The following ROCK2 variants were observed in gnomAD, a reference collection of about 807,000 sequenced individuals.
The protein encoded by ROCK2 is rho-associated protein kinase 2.
A neutral mutation model predicts 195.1 loss-of-function variants in ROCK2; 61 were observed. That is an observed-to-expected ratio of 0.31 (90% CI 0.25 to 0.39). The LOEUF is 0.39. Ranked by LOEUF, ROCK2 falls within the 10% of genes least tolerant of loss-of-function variation. The pLI is 1.00. For missense variants in ROCK2, 1,109 were observed against 1,637.4 expected (o/e 0.68, Z 5.57); for synonymous variants, 504 against 545.5 (o/e 0.92, Z 1.06).
At chr2:11,280,255 GAAGA>G (rs1558354493) in intron 3 of ROCK2, among the ~76,000 whole-genome samples, 1 of 152,102 alleles carries the variant, frequency 6.6e-6, no homozygotes, top group Non-Finnish European at 1.5e-5. Flanking sequence ...AGGTTGGCTA[GAAGA>G]GAGAGAATAA....
At chr2:11,287,600 ATC>A in intron 2 of ROCK2, 53 bp downstream of exon 2, 1 of 502,456 alleles carries the variant, frequency 2.0e-6, no homozygotes, top group Non-Finnish European at 3.3e-6. Flanking sequence ...CCAAACAAAA[ATC>A]TCTTATCAAA....
In ROCK2 at chr2:11,261,606, C is replaced by A. The variant is rs1162600889; in HGVS notation, c.325-11808G>T. Among the ~76,000 whole-genome samples, 7 of 152,272 alleles carry A rather than the reference C, an allele frequency of 4.6e-5. No homozygotes were observed. The South Asian group carries it at 1.4e-3, about 32-fold the overall frequency. On this transcript the variant is annotated intron_variant, in intron 3 of 32. Transcript: ENST00000315872. Reference sequence around the variant, plus strand: ...GGCTGAGGCGGGTGGATCATGAGGTCAGCAGTTCGAGACCAGCCTGACCAA... The same window carrying A: ...GGCTGAGGCGGGTGGATCATGAGGTAAGCAGTTCGAGACCAGCCTGACCAA...
At chr2:11,184,887 G>T in intron 32 of ROCK2, 1 of 416,956 alleles carries the variant, frequency 2.4e-6, no homozygotes, top group Non-Finnish European at 3.2e-6. Flanking sequence ...TTCCCTTCAT[G>T]GATAACAACA....
chr2:11,339,941 T>C (rs1669052108), intron 1 of ROCK2, among the ~76,000 whole-genome samples: 1 of 152,204 alleles, frequency 6.6e-6, no homozygotes, highest in Admixed American at 6.5e-5. Context: ...TTACGCTTCG[T>C]AACTTATATT....
intron 5 of ROCK2, chr2:11,234,414 T>G (rs1665131703): frequency 6.6e-6 from 1 of 152,196 alleles, no homozygotes; most frequent in Non-Finnish European, 1.5e-5. Context: ...CTCTTATGTA[T>G]AGCAGACATA....
chr2:11,330,933 AG>A (rs1668731230), intron 1 of ROCK2, among the ~76,000 whole-genome samples: 1 of 972 alleles, frequency 1.0e-3, no homozygotes. Context: ...GGAGAGGAGG[AG>A]GGAGGAAGGG....
At chr2:11,274,313 A>G (rs2148171734) in intron 3 of ROCK2, among the ~76,000 whole-genome samples, 1 of 152,286 alleles carries the variant, frequency 6.6e-6, no homozygotes, top group Non-Finnish European at 1.5e-5. Flanking sequence ...AACAAAATCA[A>G]TGAAACCAAA....
Position 11,207,899 on chromosome 2 carries a change from C to T in ROCK2, c.2376G>A (p.Leu792=). 1 of 1,577,992 alleles carries T rather than the reference C, an allele frequency of 6.3e-7. No individual in the cohort carries two copies. The highest frequency in any genetic ancestry group is 8.6e-7 in the Non-Finnish European group (1 of 1,163,714). The change falls in exon 20 of 33, where the codon CTG becomes CTA. Residue 792 remains leucine, a synonymous_variant. Coordinates refer to ENST00000315872, the MANE Select transcript of ROCK2 (RefSeq NM_004850.5). ...KDVLNEDVRN[L]TLKIEQETQK... The stretch of plus-strand genomic sequence containing the variant: ...GAGTTTCTTGCTCTATTTTTAATGT[C>T]AGGTTTCTAACCTAAGAAATAAATT...
rs372642453 is a variant in ROCK2 at position 11,235,750 on chromosome 2, A to C, written c.675T>G (p.His225Gln). 1 of 1,613,546 alleles carries C rather than the reference A, an allele frequency of 6.2e-7. No homozygotes were observed. The highest frequency in any genetic ancestry group is 1.3e-5 in the African/African-American group (1 of 74,910). The part of the protein sequence containing the change: ...VKPDNMLLDK[H>Q]GHLKLADFGT... ...CAAAATCTGCTAATTTTAGATGTCC[A>C]TGTTTATCCAAGAGCATGTTGTCAG... is the stretch of plus-strand genomic sequence containing the variant. Residue 225 changes from histidine to glutamine, a missense_variant, in exon 5 of 33, where the codon CAT (histidine) becomes CAG (glutamine). Around this residue, in one of 6 missense-constraint regions of ROCK2, gnomAD observed 253 missense variants for 455.5 expected, o/e 0.56. Transcript: ENST00000315872. This position sits in a 1 kb window ranked among gnomAD's most constrained non-coding sequence, Gnocchi z 4.2.
rs75111986 is a variant in ROCK2 at position 11,247,241 on chromosome 2, G to A, written c.462+2420C>T. ...GGGGGAATAAATGCTAATTGGTCCA[G>A]GGCTTCTTTGGAGGGTGAGAAAAAT... On this transcript the variant is annotated intron_variant, in intron 4 of 32. Transcript: ENST00000315872. Among the ~76,000 whole-genome samples the A allele has an allele frequency of 6.2e-3, 941 of 152,280 alleles. 3 individuals are homozygous for A. The highest frequency in any genetic ancestry group is 0.022 in the African/African-American group (911 of 41,552).
intron 32 of ROCK2, among the ~76,000 whole-genome samples, chr2:11,186,679 T>C (rs557244970): frequency 9.9e-5 from 15 of 152,182 alleles, no homozygotes; most frequent in Non-Finnish European, 2.1e-4. Context: ...TTCTCTCTAG[T>C]GTCACATCAT....
intron 4 of ROCK2, among the ~76,000 whole-genome samples, chr2:11,248,220 G>T (rs1223584473): frequency 6.7e-6 from 1 of 149,086 alleles, no homozygotes; most frequent in Non-Finnish European, 1.5e-5. Flanking sequence ...TTTTTGGGGG[G>T]GGATGGGGGG....
intron 1 of ROCK2, among the ~76,000 whole-genome samples, chr2:11,301,485 T>G (rs1429440504): frequency 6.6e-6 from 1 of 151,980 alleles, no homozygotes; most frequent in Non-Finnish European, 1.5e-5. Context: ...CATTCAAATC[T>G]TACCTACTCT....
intron 20 of ROCK2, among the ~76,000 whole-genome samples, chr2:11,207,331 A>G (rs1664088302): frequency 6.6e-6 from 1 of 152,246 alleles, no homozygotes; most frequent in South Asian, 2.1e-4. Flanking sequence ...ATCCTATGAC[A>G]TGATTAAAAA....
At chr2:11,317,627 T>TTTTTTTTTTC (rs1192587957) in intron 1 of ROCK2, among the ~76,000 whole-genome samples, 1 of 31,444 alleles carries the variant, frequency 3.2e-5, no homozygotes, top group South Asian at 1.9e-3. Flanking sequence ...TTTTTTTTTT[T>TTTTTTTTTTC]AATTATACTT....
chr2:11,300,063 C>G (rs558161872), intron 1 of ROCK2, among the ~76,000 whole-genome samples: 1 of 152,200 alleles, frequency 6.6e-6, no homozygotes, highest in African/African-American at 2.4e-5. Flanking sequence ...GCCTATAAAT[C>G]CTTATTTGTC....
Position 11,208,464 on chromosome 2 carries a change from G to C in ROCK2, c.2204-17C>G. On this transcript the variant is annotated splice_polypyrimidine_tract_variant and intron_variant, in intron 18 of 32. Coordinates refer to ENST00000315872, the MANE Select transcript of ROCK2 (RefSeq NM_004850.5). ...TCTCCATTTCTAGTATAATAAAAAT[G>C]GACACAATCATAAATTTACAAATAA... The C allele has an allele frequency of 7.2e-7, 1 of 1,394,694 alleles. No individual in the cohort carries two copies. The highest frequency in any genetic ancestry group is 1.7e-5 in the South Asian group (1 of 59,268). 86.4% of individuals were successfully genotyped at this position (1,394,694 alleles called of 1,614,324 possible).
At chr2:11,318,571 A>C (rs1668300670) in intron 1 of ROCK2, among the ~76,000 whole-genome samples, 1 of 152,078 alleles carries the variant, frequency 6.6e-6, no homozygotes, top group Non-Finnish European at 1.5e-5. Context: ...TTCTGATGGT[A>C]GTTTCTTTTG....
At chr2:11,237,585 A>G (rs1665255732) in intron 4 of ROCK2, among the ~76,000 whole-genome samples, 1 of 152,252 alleles carries the variant, frequency 6.6e-6, no homozygotes, top group South Asian at 2.1e-4. Context: ...ACACAAAAAC[A>G]TAAAATCATA....
Sources: allele counts gnomAD v4.1 joint callset (sites outside exome capture counted in the v4.1 genomes callset), GRCh38; gene constraint gnomAD v4.1.1; regional missense constraint gnomAD v4.1.1; non-coding constraint Gnocchi (gnomAD v3.1); transcripts MANE v1.5; gene names NCBI Gene and HGNC (gene_info 2026-07-23, HGNC 2026-07-21).